CDK6: variants seen among roughly 807,000 people sequenced by gnomAD.
The protein encoded by CDK6 is cyclin-dependent kinase 6.
Under a neutral mutation model 37.1 loss-of-function variants are expected in CDK6, and 6 were observed. That is an observed-to-expected ratio of 0.16 (90% CI 0.09 to 0.32). The LOEUF (loss-of-function observed/expected upper bound fraction) is 0.32. CDK6 is among the 10% of genes least tolerant of loss of function. CDK6 has a pLI of 1.00. For synonymous variants in CDK6, 160 were observed against 161.3 expected, an observed-to-expected ratio of 0.99 and a Z score of 0.06; for missense variants, 224 against 418.9, an observed-to-expected ratio of 0.53 and a Z score of 4.06.
chr7:92,809,484 G>A (rs1800817261), intron 2 of CDK6, among the ~76,000 whole-genome samples: 1 of 152,168 alleles, frequency 6.6e-6, no homozygotes. Flanking sequence ...TGGTCACTAA[G>A]CCTTTCCTAA....
chr7:92,610,735 C>G lies in CDK6; in HGVS notation c.*4405G>C, dbSNP rs1795544969. Reference sequence around the variant, plus strand: ...TTGGTAGCCTCAATAAGTTTTTCCACTGTGGAGATGGAACATGTAAATATC... The same window carrying G: ...TTGGTAGCCTCAATAAGTTTTTCCAGTGTGGAGATGGAACATGTAAATATC... On this transcript the variant is annotated 3_prime_UTR_variant, in exon 8 of 8. Coordinates refer to ENST00000424848, the MANE Select transcript of CDK6 (RefSeq NM_001145306.2). 1 of 227,710 alleles carries G rather than the reference C, an allele frequency of 4.4e-6. No individual in the cohort carries two copies. Among genetic ancestry groups the G allele is most frequent in the South Asian group, 1.8e-4 (1 of 5,484 alleles). The allele number at this position is 227,710 out of a possible 1,614,324, so 14.1% of individuals were successfully genotyped here.
chr7:92,734,442 C>T (rs1003936498), intron 3 of CDK6, among the ~76,000 whole-genome samples: 2 of 152,210 alleles, frequency 1.3e-5, no homozygotes, highest in East Asian at 1.9e-4. Flanking sequence ...GCCCTGCCTC[C>T]TGGTACTCTG....
At chr7:92,798,149 A>T (rs542558241) in intron 2 of CDK6, among the ~76,000 whole-genome samples, 1 of 152,320 alleles carries the variant, frequency 6.6e-6, no homozygotes, top group South Asian at 2.1e-4. Context: ...AAATTTGTCC[A>T]ATTCATCTGA....
chr7:92,683,619 G>A (rs1414168170), intron 4 of CDK6, among the ~76,000 whole-genome samples: 3 of 151,946 alleles, frequency 2.0e-5, no homozygotes, highest in Admixed American at 6.6e-5. Context: ...ATGGGTCATC[G>A]AGATGCATGC....
In CDK6 at chr7:92,725,704, C is replaced by T. The variant is rs2116709891; in HGVS notation, c.459G>A (p.Val153=). The T allele has an allele frequency of 6.2e-7, 1 of 1,614,092 alleles. No homozygotes were observed. Among genetic ancestry groups the T allele is most frequent in the Non-Finnish European group, 8.5e-7 (1 of 1,179,968 alleles). Residue 153 remains valine, a synonymous_variant, in exon 4 of 8, where the codon GTG becomes GTA. Coordinates refer to ENST00000424848, the MANE Select transcript of CDK6 (RefSeq NM_001145306.2). ...HRDLKPQNIL[V]TSSGQIKLAD... ...CGAGTTTTATTTGTCCGCTGCTGGT[C>T]ACCAGAATGTTCTGTGGTTTTAGAT... is the stretch of plus-strand genomic sequence containing the variant.
At position 92,607,987 on chromosome 7, in the gene CDK6, A is replaced by G. The variant is rs1264518164; in HGVS notation, c.*7153T>C. ...CAAACTGAGAGTTGTTGGTGATCAC[A>G]GAAATATTGCTAGCTGATACATATT... On this transcript the variant is annotated 3_prime_UTR_variant, in exon 8 of 8. Transcript: ENST00000424848. 1 of 233,350 alleles carries G rather than the reference A, an allele frequency of 4.3e-6. No homozygotes were observed. The highest frequency in any genetic ancestry group is 8.5e-6 in the Non-Finnish European group (1 of 117,936). The allele number at this position is 233,350 out of a possible 1,614,324, so 14.5% of individuals were successfully genotyped here.
intron 5 of CDK6, among the ~76,000 whole-genome samples, chr7:92,663,053 G>A (rs1183836095): frequency 2.0e-5 from 3 of 152,144 alleles, no homozygotes; most frequent in African/African-American, 4.8e-5. Flanking sequence ...GAGAGTCAGC[G>A]AGGGGAGGTA....
At chr7:92,624,099 C>T (rs1310605262) in intron 5 of CDK6, among the ~76,000 whole-genome samples, 1 of 152,090 alleles carries the variant, frequency 6.6e-6, no homozygotes, top group African/African-American at 2.4e-5. Flanking sequence ...ATCCTGCAGT[C>T]ATAGCATTTC....
intron 5 of CDK6, among the ~76,000 whole-genome samples, chr7:92,635,948 T>C (rs1428520192): frequency 6.6e-6 from 1 of 152,210 alleles, no homozygotes; most frequent in Non-Finnish European, 1.5e-5. Context: ...GGAGCTGTAA[T>C]CAGTTTTGCT....
chr7:92,629,411 G>C (rs1180033045), intron 5 of CDK6, among the ~76,000 whole-genome samples: 1 of 143,068 alleles, frequency 7.0e-6, no homozygotes, highest in Non-Finnish European at 1.6e-5. Flanking sequence ...AAGAGATGGA[G>C]AGAAAGAAAG....
intron 2 of CDK6, among the ~76,000 whole-genome samples, chr7:92,806,456 G>A (rs750652954): frequency 1.3e-5 from 2 of 152,016 alleles, no homozygotes; most frequent in South Asian, 2.1e-4. Flanking sequence ...TTTATAAAAC[G>A]ATGTAATAAA....
intron 3 of CDK6, among the ~76,000 whole-genome samples, chr7:92,729,486 G>A (rs1585435852): frequency 6.6e-6 from 1 of 152,018 alleles, no homozygotes; most frequent in Non-Finnish European, 1.5e-5. Context: ...TAAAACATGC[G>A]ACTCGCAAGC....
chr7:92,632,396 A>C (rs1348548526), intron 5 of CDK6, among the ~76,000 whole-genome samples: 2 of 152,186 alleles, frequency 1.3e-5, no homozygotes, highest in African/African-American at 4.8e-5. Flanking sequence ...AATATTCTCA[A>C]ATTGGATTCA....
intron 3 of CDK6, among the ~76,000 whole-genome samples, chr7:92,731,753 A>T (rs971013640): frequency 1.0e-4 from 15 of 143,166 alleles, no homozygotes; most frequent in Non-Finnish European, 2.3e-4. Context: ...AACTGGAAAT[A>T]AAAAAAAAAA....
At position 92,822,723 on chromosome 7, in the gene CDK6, G is replaced by A. The variant is rs117585919; in HGVS notation, c.233+10368C>T. Among the ~76,000 whole-genome samples the A allele has an allele frequency of 3.8e-3, 576 of 152,082 alleles. 4 individuals carry two copies. Among genetic ancestry groups the A allele is most frequent in the Middle Eastern group, 0.01 (3 of 294 alleles). On this transcript the variant is annotated intron_variant, in intron 2 of 7. Transcript: ENST00000424848. ...GGCAATGCAAAAATGATTAAAATAA[G>A]GTGCCCAAGAAAAAGCAGACAGCAA...
intron 4 of CDK6, among the ~76,000 whole-genome samples, chr7:92,713,160 A>T (rs545768909): frequency 6.6e-6 from 1 of 152,260 alleles, no homozygotes; most frequent in East Asian, 1.9e-4. Context: ...CGCCCGGTTG[A>T]CATTAACACT....
chr7:92,723,566 T>A (rs1585430166), intron 4 of CDK6, among the ~76,000 whole-genome samples: 1 of 152,202 alleles, frequency 6.6e-6, no homozygotes, highest in Non-Finnish European at 1.5e-5. Context: ...AATGGGTATT[T>A]CCTTTAAATA....
At chr7:92,772,943 T>G (rs902046079) in intron 3 of CDK6, among the ~76,000 whole-genome samples, 3 of 151,432 alleles carry the variant, frequency 2.0e-5, no homozygotes, top group Admixed American at 6.6e-5. Context: ...CTCATCTGTC[T>G]GTTTTTTTAA....
chr7:92,836,450 C>T (rs1182160847), intron 1 of CDK6, 28 bp downstream of exon 1: 3 of 151,712 alleles, frequency 2.0e-5, no homozygotes, highest in African/African-American at 7.3e-5. Context: ...ACCCCGCAGC[C>T]CACCCACCCG....
Sources: allele counts gnomAD v4.1 joint callset (sites outside exome capture counted in the v4.1 genomes callset), GRCh38; gene constraint gnomAD v4.1.1; transcripts MANE v1.5; gene names NCBI Gene and HGNC (gene_info 2026-07-23, HGNC 2026-07-21).